The following FARS2 variants were observed in gnomAD, a reference collection of about 807,000 sequenced individuals.
FARS2 encodes phenylalanine--tRNA ligase, mitochondrial.
FARS2 carries 40 observed loss-of-function variants against 46.4 expected under a neutral mutation model. The ratio of observed to expected loss-of-function variants is 0.86; its 90% confidence interval spans 0.67 to 1.12. FARS2 has a LOEUF of 1.12. FARS2 is among the 50% of genes most tolerant of loss of function. The pLI is 0.00. For missense variants in FARS2, 513 were observed against 567.9 expected (o/e 0.90, Z 0.98); for synonymous variants, 234 against 214.9 (o/e 1.09, Z -0.78).
intron 5 of FARS2, among the ~76,000 whole-genome samples, chr6:5,582,358 T>C (rs1342939197): frequency 6.6e-6 from 1 of 152,258 alleles, no homozygotes; most frequent in East Asian, 1.9e-4. Flanking sequence ...GCTAACATAA[T>C]GACTACAAAT....
chr6:5,751,386 G>T (rs1761938240), intron 6 of FARS2, among the ~76,000 whole-genome samples: 1 of 152,192 alleles, frequency 6.6e-6, no homozygotes. Context: ...TCAGCAAGCA[G>T]TAGACACCAT....
intron 6 of FARS2, among the ~76,000 whole-genome samples, chr6:5,682,532 CA>C (rs1440464700): frequency 6.6e-6 from 1 of 152,228 alleles, no homozygotes; most frequent in Non-Finnish European, 1.5e-5. Flanking sequence ...TTCTTTTCCA[CA>C]CTGAATTTAT....
At chr6:5,258,859 G>T (rs1305214552), upstream of FARS2, among the ~76,000 whole-genome samples, 1 of 152,172 alleles carries the variant, frequency 6.6e-6, no homozygotes, top group Non-Finnish European at 1.5e-5. Flanking sequence ...TTCAGGTAGA[G>T]TCTTGAATGA....
At chr6:5,649,018 G>T (rs891364731) in intron 6 of FARS2, among the ~76,000 whole-genome samples, 1 of 152,202 alleles carries the variant, frequency 6.6e-6, no homozygotes, top group African/African-American at 2.4e-5. Context: ...GGATTTAGGA[G>T]CTCCTCATTA....
intron 4 of FARS2, among the ~76,000 whole-genome samples, chr6:5,539,475 G>C (rs140854532): frequency 0.034 from 5,042 of 149,870 alleles, 146 homozygotes; most frequent in South Asian, 0.11. Context: ...CTCGTGATCT[G>C]CCCGCCTTGG....
At chr6:5,527,999 C>T (rs1025062159) in intron 4 of FARS2, among the ~76,000 whole-genome samples, 5 of 152,140 alleles carry the variant, frequency 3.3e-5, no homozygotes, top group Non-Finnish European at 7.4e-5. Context: ...CTTGGTAGAT[C>T]ATATGCAAGT....
At chr6:5,617,249 A>G (rs953099689) in intron 6 of FARS2, among the ~76,000 whole-genome samples, 1 of 152,264 alleles carries the variant, frequency 6.6e-6, no homozygotes, top group African/African-American at 2.4e-5. Flanking sequence ...TTCCTTCTGA[A>G]GGAGACAGTA....
chr6:5,578,519 A>G (rs1279131080), intron 5 of FARS2, among the ~76,000 whole-genome samples: 3 of 152,142 alleles, frequency 2.0e-5, no homozygotes, highest in Non-Finnish European at 4.4e-5. Flanking sequence ...AAGAAAAAAG[A>G]AAACAGTGGG....
chr6:5,335,682 T>C (rs1387781461), intron 1 of FARS2, among the ~76,000 whole-genome samples: 1 of 152,296 alleles, frequency 6.6e-6, no homozygotes, highest in East Asian at 1.9e-4. Flanking sequence ...GATGATTCAG[T>C]GTGTAAGAGT....
chr6:5,453,660 C>T (rs391789), intron 4 of FARS2, among the ~76,000 whole-genome samples: 116,037 of 152,112 alleles, frequency 0.76, 44,576 homozygotes, highest in East Asian at 0.91. Flanking sequence ...TTTCCAAAAC[C>T]CTGTTTTTTA....
chr6:5,692,191 T>C (rs549398168), intron 6 of FARS2, among the ~76,000 whole-genome samples: 5 of 152,198 alleles, frequency 3.3e-5, no homozygotes, highest in Non-Finnish European at 5.9e-5. Context: ...CTGCACCCAC[T>C]GTTCTGCACC....
At chr6:5,406,994 A>G (rs537118043) in intron 3 of FARS2, among the ~76,000 whole-genome samples, 23 of 144,474 alleles carry the variant, frequency 1.6e-4, no homozygotes, top group African/African-American at 5.6e-4. Flanking sequence ...ATATAAACAA[A>G]CAGAAATTGC....
rs573637271 is a variant in FARS2 at position 5,737,796 on chromosome 6, A to G, written c.1218-33495A>G. 5.3e-4 allele frequency among the ~76,000 whole-genome samples: 81 copies of G among 152,180 alleles called. No individual in the cohort carries two copies. The highest frequency in any genetic ancestry group is 1.1e-3 in the Non-Finnish European group (72 of 68,042). On this transcript the variant is annotated intron_variant, in intron 6 of 6. Coordinates refer to ENST00000274680, the MANE Select transcript of FARS2 (RefSeq NM_006567.5). ...TTCCGTCTATCTGTGCATTGCTGAT[A>G]GGAGGACTGGAGAGGGAGCAGCCAT...
intron 2 of FARS2, among the ~76,000 whole-genome samples, chr6:5,388,574 T>G (rs1475533752): frequency 6.6e-6 from 1 of 152,180 alleles, no homozygotes; most frequent in Non-Finnish European, 1.5e-5. Flanking sequence ...TGTTCTTTTC[T>G]GGCTAACACT....
rs35469305 is a variant in FARS2 at position 5,561,195 on chromosome 6, T to C, written c.1065+15855T>C. Among the ~76,000 whole-genome samples the C allele has an allele frequency of 5.9e-3, 899 of 152,304 alleles. 6 individuals are homozygous for C. The highest frequency in any genetic ancestry group is 9.7e-3 in the Non-Finnish European group (658 of 68,030). On this transcript the variant is annotated intron_variant, in intron 5 of 6. Coordinates refer to ENST00000274680, the MANE Select transcript of FARS2 (RefSeq NM_006567.5). ...AGCTGTTGGTAATATTCTCTTAATA[T>C]ATTGATTTAAAGAAACACTATTTTA...
intron 1 of FARS2, among the ~76,000 whole-genome samples, chr6:5,325,303 A>T (rs1387090385): frequency 6.6e-6 from 1 of 152,226 alleles, no homozygotes; most frequent in Non-Finnish European, 1.5e-5. Flanking sequence ...CTTGCATAGC[A>T]TAGGTAAGGA....
intron 6 of FARS2, among the ~76,000 whole-genome samples, chr6:5,761,556 G>A (rs7747725): frequency 2.0e-5 from 3 of 152,074 alleles, no homozygotes; most frequent in Non-Finnish European, 4.4e-5. Context: ...CGATTGGGAG[G>A]CTGCCTTGTA....
chr6:5,719,955 A>G lies in FARS2; in HGVS notation c.1218-51336A>G, dbSNP rs1293476078. Among the ~76,000 whole-genome samples the G allele has an allele frequency of 3.9e-5, 6 of 152,194 alleles. No individual in the cohort carries two copies. In the East Asian group the frequency reaches 1.2e-3, roughly 29 times the overall value. ...TTATACCACAGAAATTGTTATAACC[A>G]CCACGTCTATTGTCTTCCAGAAGGA... On this transcript the variant is annotated intron_variant, in intron 6 of 6. Coordinates refer to ENST00000274680, the MANE Select transcript of FARS2 (RefSeq NM_006567.5).
intron 5 of FARS2, among the ~76,000 whole-genome samples, chr6:5,575,831 A>G (rs369994533): frequency 2.0e-5 from 3 of 152,246 alleles, no homozygotes; most frequent in South Asian, 2.1e-4. Context: ...ATAAAATTCT[A>G]TTTTGTTCTG....
Sources: gnomAD v4.1 joint callset for allele counts (sites outside exome capture counted in the v4.1 genomes callset) on GRCh38, gnomAD v4.1.1 for gene constraint, MANE v1.5 for transcripts, NCBI Gene and HGNC (gene_info 2026-07-23, HGNC 2026-07-21) for gene names.